XRCC5: variants seen among roughly 807,000 people sequenced by gnomAD.
The protein encoded by XRCC5 is DNA repair protein Ku80.
XRCC5 carries 12 observed loss-of-function variants against 95.7 expected under a neutral mutation model. The observed-to-expected ratio is 0.13, with a 90% CI of 0.08 to 0.20. The LOEUF (loss-of-function observed/expected upper bound fraction) is 0.20. XRCC5 is among the 10% of genes least tolerant of loss of function. The pLI is 1.00. For missense variants in XRCC5, 595 were observed against 873.9 expected, an observed-to-expected ratio of 0.68 and a Z score of 4.02; for synonymous variants, 281 against 290.3, an observed-to-expected ratio of 0.97 and a Z score of 0.33.
intron 7 of XRCC5, among the ~76,000 whole-genome samples, chr2:216,127,214 T>A (rs1023504332): frequency 2.2e-4 from 34 of 152,130 alleles, no homozygotes; most frequent in African/African-American, 7.7e-4. Flanking sequence ...CACTCCAACC[T>A]GAGCGATAGA....
At chr2:216,114,410 T>C (rs1696645542) in intron 2 of XRCC5, among the ~76,000 whole-genome samples, 1 of 152,102 alleles carries the variant, frequency 6.6e-6, no homozygotes. Context: ...AGGAAGGTGC[T>C]CTAACCCTGT....
chr2:216,164,527 A>G (rs1023965462), intron 16 of XRCC5, among the ~76,000 whole-genome samples: 18 of 152,242 alleles, frequency 1.2e-4, no homozygotes, highest in African/African-American at 4.3e-4. Context: ...TACTTGGGAA[A>G]ATAACTTTGA....
intron 7 of XRCC5, among the ~76,000 whole-genome samples, chr2:216,127,255 A>G (rs1438645637): frequency 2.0e-5 from 3 of 152,198 alleles, no homozygotes; most frequent in South Asian, 2.1e-4. Flanking sequence ...ATAAAAATAA[A>G]TAAATAAAAA....
intron 19 of XRCC5, among the ~76,000 whole-genome samples, chr2:216,201,858 T>C (rs1016909691): frequency 6.6e-6 from 1 of 152,168 alleles, no homozygotes; most frequent in African/African-American, 2.4e-5. Context: ...AGGAGTGATA[T>C]GTGGAAGAGA....
In XRCC5 at chr2:216,160,081, C is replaced by T; in HGVS notation, c.1684C>T (p.Pro562Ser). The stretch of plus-strand genomic sequence containing the variant: ...TTTCTTTTCTAGCCATGAAGATGGA[C>T]CTACAGCTAAAAAATTAAAGACTGA... ...EIFQDNHEDG[P>S]TAKKLKTEQG... Residue 562 changes from proline (P) to serine (S), a missense_variant, in exon 15 of 21, where the codon CCT becomes TCT. Pro to Ser is a moderately conservative substitution (Grantham distance 74). This residue lies in a region of XRCC5 where 309 missense variants were observed against 382.9 expected (regional missense o/e 0.81). Coordinates refer to ENST00000392132, the MANE Select transcript of XRCC5 (RefSeq NM_021141.4). 6.3e-7 allele frequency: 1 copy of T among 1,596,144 alleles called. No homozygotes were observed. Among genetic ancestry groups the T allele is most frequent in the Non-Finnish European group, 8.5e-7 (1 of 1,171,002 alleles).
intron 16 of XRCC5, among the ~76,000 whole-genome samples, chr2:216,163,904 T>C (rs2106028909): frequency 6.6e-6 from 1 of 152,302 alleles, no homozygotes; most frequent in Admixed American, 6.5e-5. Context: ...AAGAAGAGCT[T>C]TTTGTCCTGC....
At chr2:216,179,460 G>A (rs192820995) in intron 16 of XRCC5, among the ~76,000 whole-genome samples, 154 of 152,294 alleles carry the variant, frequency 1.0e-3, no homozygotes, top group African/African-American at 3.5e-3. Context: ...GCCCATGACA[G>A]CACTATAGAG....
intron 19 of XRCC5, among the ~76,000 whole-genome samples, chr2:216,203,795 C>G (rs903497056): frequency 6.6e-6 from 1 of 151,986 alleles, no homozygotes; most frequent in South Asian, 2.1e-4. Flanking sequence ...TATGAGAAGT[C>G]CCCCTTTTAC....
At chr2:216,112,150 T>C (rs944763317) in intron 1 of XRCC5, among the ~76,000 whole-genome samples, 1 of 152,244 alleles carries the variant, frequency 6.6e-6, no homozygotes, top group African/African-American at 2.4e-5. Context: ...TAAATAACTT[T>C]ACATGTATTC....
At chr2:216,131,009 ATG>A in intron 9 of XRCC5, 22 bp downstream of exon 9, 1 of 1,576,392 alleles carries the variant, frequency 6.3e-7, no homozygotes, top group Non-Finnish European at 8.7e-7. Context: ...AACAAACTAA[ATG>A]AGCTTTTTCC....
At chr2:216,177,679 A>G (rs1249439058) in intron 16 of XRCC5, among the ~76,000 whole-genome samples, 2 of 152,164 alleles carry the variant, frequency 1.3e-5, no homozygotes, top group Admixed American at 6.5e-5. Context: ...TCTTAGTTCA[A>G]TGTTTATAGA....
chr2:216,166,424 G>GA (rs1477152925), intron 16 of XRCC5, among the ~76,000 whole-genome samples: 2 of 152,076 alleles, frequency 1.3e-5, no homozygotes, highest in Non-Finnish European at 2.9e-5. Flanking sequence ...GTCCAGCTCA[G>GA]AAAAAATTTT....
At chr2:216,178,093 A>G (rs1209809212) in intron 16 of XRCC5, among the ~76,000 whole-genome samples, 2 of 152,242 alleles carry the variant, frequency 1.3e-5, no homozygotes, top group African/African-American at 4.8e-5. Context: ...AAAACAAAAA[A>G]GAAAGAAAAG....
intron 13 of XRCC5, among the ~76,000 whole-genome samples, chr2:216,147,330 G>A (rs1688654191): frequency 6.6e-6 from 1 of 152,148 alleles, no homozygotes; most frequent in Admixed American, 6.5e-5. Context: ...GAGAACAAGT[G>A]GCTGGTGATG....
At chr2:216,179,443 C>T (rs1368225370) in intron 16 of XRCC5, among the ~76,000 whole-genome samples, 1 of 152,104 alleles carries the variant, frequency 6.6e-6, no homozygotes, top group Non-Finnish European at 1.5e-5. Context: ...GGTGGGGATA[C>T]TATTCAGCCC....
At chr2:216,205,167 G>T (rs776675408) in intron 20 of XRCC5, 21 bp from the exon 21 acceptor site, 6 of 1,613,860 alleles carry the variant, frequency 3.7e-6, no homozygotes, top group Non-Finnish European at 5.1e-6. Context: ...TCCTTTCTAA[G>T]TGTGTTGTTC....
intron 11 of XRCC5, among the ~76,000 whole-genome samples, chr2:216,137,858 T>G (rs1697112038): frequency 6.6e-6 from 1 of 152,218 alleles, no homozygotes; most frequent in Non-Finnish European, 1.5e-5. Context: ...TTGATAGCAG[T>G]CCTTTAGTAT....
rs192416110 is a variant in XRCC5 at position 216,150,681 on chromosome 2, G to A, written c.1670+2405G>A. Among the ~76,000 whole-genome samples the A allele has an allele frequency of 9.6e-4, 146 of 152,236 alleles. 1 individual carries two copies. The highest frequency in any genetic ancestry group is 3.4e-3 in the Middle Eastern group (1 of 292). The stretch of plus-strand genomic sequence containing the variant: ...GGCAGATAACCGAGGTCAGGAGTTC[G>A]AGACAGTCTGGCCAACATTTTTAGT... On this transcript the variant is annotated intron_variant, in intron 14 of 20. Transcript: ENST00000392132.
At chr2:216,181,654 C>T (rs1228430198) in intron 16 of XRCC5, among the ~76,000 whole-genome samples, 1 of 152,200 alleles carries the variant, frequency 6.6e-6, no homozygotes, top group East Asian at 1.9e-4. Context: ...TAGTATGACT[C>T]ATTAGATACT....
Sources: gnomAD v4.1 joint callset for allele counts (sites outside exome capture counted in the v4.1 genomes callset) on GRCh38, gnomAD v4.1.1 for gene constraint, gnomAD v4.1.1 regional missense constraint, MANE v1.5 for transcripts, NCBI Gene and HGNC (gene_info 2026-07-23, HGNC 2026-07-21) for gene names.